Variants in GPC6 observed in about 807,000 individuals in gnomAD.
The protein encoded by GPC6 is glypican 6, also known as glypican-6.
In GPC6, 14 loss-of-function variants were observed where a neutral mutation model predicts 55.2. The observed-to-expected ratio is 0.25, with a 90% CI of 0.17 to 0.40. The LOEUF (loss-of-function observed/expected upper bound fraction) is 0.40, where lower values mean the gene tolerates loss of function less well. GPC6 is among the 10% of genes least tolerant of loss of function. GPC6 has a pLI of 1.00. For missense variants in GPC6, 641 were observed against 708.5 expected, an observed-to-expected ratio of 0.90 and a Z score of 1.08; for synonymous variants, 278 against 259.6, an observed-to-expected ratio of 1.07 and a Z score of -0.68.
chr13:93,954,798 G>A (rs1879424579), intron 3 of GPC6, among the ~76,000 whole-genome samples: 1 of 152,120 alleles, frequency 6.6e-6, no homozygotes, highest in African/African-American at 2.4e-5. Flanking sequence ...GATGTAGACT[G>A]ATATGAAGCT....
chr13:93,915,365 G>T (rs1813580432), intron 3 of GPC6, among the ~76,000 whole-genome samples: 1 of 152,170 alleles, frequency 6.6e-6, no homozygotes, highest in South Asian at 2.1e-4. Context: ...GTGGGACACT[G>T]CCTGAAGGCC....
chr13:93,679,223 A>G (rs1469530190), intron 2 of GPC6, among the ~76,000 whole-genome samples: 1 of 152,182 alleles, frequency 6.6e-6, no homozygotes, highest in Non-Finnish European at 1.5e-5. Flanking sequence ...AACACAGCCA[A>G]GAGAAAATGC....
chr13:94,041,174 G>C (rs898348525), intron 4 of GPC6, among the ~76,000 whole-genome samples: 1 of 151,780 alleles, frequency 6.6e-6, no homozygotes, highest in Non-Finnish European at 1.5e-5. Context: ...TGCAGACATT[G>C]ATAGCTTGGA....
intron 7 of GPC6, among the ~76,000 whole-genome samples, chr13:94,388,822 C>A (rs770062003): frequency 6.6e-6 from 1 of 152,052 alleles, no homozygotes; most frequent in African/African-American, 2.4e-5. Flanking sequence ...CTCATTCAAC[C>A]GTAAGAGGGT....
At chr13:93,636,171 TTTATAAG>T (rs1879686891) in intron 2 of GPC6, among the ~76,000 whole-genome samples, 1 of 152,200 alleles carries the variant, frequency 6.6e-6, no homozygotes, top group Non-Finnish European at 1.5e-5. Context: ...CTGGAGTTTG[TTTATAAG>T]TTATAACAAC....
At chr13:93,257,145 A>G (rs1876981311) in intron 1 of GPC6, among the ~76,000 whole-genome samples, 1 of 151,820 alleles carries the variant, frequency 6.6e-6, no homozygotes, top group Admixed American at 6.6e-5. Flanking sequence ...TCTCTACCAA[A>G]AAAAAAATTA....
chr13:93,525,329 C>G (rs1227491078), intron 1 of GPC6, among the ~76,000 whole-genome samples: 1 of 152,040 alleles, frequency 6.6e-6, no homozygotes, highest in African/African-American at 2.4e-5. Flanking sequence ...ACATGCCCCC[C>G]AAGAGGTAAC....
chr13:93,852,204 T>C (rs560329244), intron 3 of GPC6, among the ~76,000 whole-genome samples: 10 of 151,888 alleles, frequency 6.6e-5, no homozygotes, highest in South Asian at 2.1e-4. Flanking sequence ...CTGCTAGGCA[T>C]TGGCAAACAA....
intron 6 of GPC6, among the ~76,000 whole-genome samples, chr13:94,317,834 A>G (rs1876616479): frequency 6.6e-6 from 1 of 152,036 alleles, no homozygotes; most frequent in Admixed American, 6.6e-5. Context: ...GGAAGGGTAT[A>G]GTGTATGTGA....
At chr13:93,957,393 A>G (rs1322568000) in intron 3 of GPC6, among the ~76,000 whole-genome samples, 1 of 152,114 alleles carries the variant, frequency 6.6e-6, no homozygotes, top group African/African-American at 2.4e-5. Context: ...CCCCTCCACT[A>G]GTCGGCAGTG....
intron 4 of GPC6, among the ~76,000 whole-genome samples, chr13:94,263,933 T>C (rs1891720775): frequency 6.6e-6 from 1 of 152,192 alleles, no homozygotes; most frequent in African/African-American, 2.4e-5. Context: ...CAGAGAACTG[T>C]GTCTTGCGTG....
chr13:93,622,749 T>C (rs8000160), intron 2 of GPC6, among the ~76,000 whole-genome samples: 113,449 of 152,090 alleles, frequency 0.75, 44,969 homozygotes, highest in Non-Finnish European at 0.9. Flanking sequence ...TATCATTTAT[T>C]TGAGGTGAGA....
chr13:93,542,054 T>C (rs1304614764), intron 1 of GPC6, among the ~76,000 whole-genome samples: 1 of 152,162 alleles, frequency 6.6e-6, no homozygotes, highest in Non-Finnish European at 1.5e-5. Context: ...AATTTTGGCT[T>C]TTGTTGCCAT....
chr13:93,681,949 C>G (rs1177248763), intron 2 of GPC6, among the ~76,000 whole-genome samples: 1 of 151,980 alleles, frequency 6.6e-6, no homozygotes, highest in African/African-American at 2.4e-5. Flanking sequence ...CTTTTAGTAC[C>G]CTTTTTTTGA....
intron 2 of GPC6, among the ~76,000 whole-genome samples, chr13:93,784,599 G>A (rs190110496): frequency 3.3e-5 from 5 of 152,120 alleles, no homozygotes; most frequent in African/African-American, 1.2e-4. Context: ...GGAGTTTCCT[G>A]TTATCTATTT....
intron 1 of GPC6, among the ~76,000 whole-genome samples, chr13:93,411,870 G>A (rs1233816359): frequency 2.0e-5 from 3 of 151,788 alleles, no homozygotes; most frequent in Non-Finnish European, 2.9e-5. Flanking sequence ...TGGCTTGGTG[G>A]TGCACACCTG....
chr13:93,446,374 T>C (rs1266723215), intron 1 of GPC6, among the ~76,000 whole-genome samples: 1 of 151,874 alleles, frequency 6.6e-6, no homozygotes, highest in African/African-American at 2.4e-5. Context: ...AGATCATCTT[T>C]GTTAGGTAAT....
intron 2 of GPC6, among the ~76,000 whole-genome samples, chr13:93,572,695 T>C (rs1183702336): frequency 6.6e-6 from 1 of 152,178 alleles, no homozygotes; most frequent in African/African-American, 2.4e-5. Context: ...TTGTGAAGAT[T>C]AGTTGAATAA....
intron 2 of GPC6, among the ~76,000 whole-genome samples, chr13:93,588,897 AT>A (rs1415502349): frequency 2.6e-5 from 4 of 152,006 alleles, no homozygotes; most frequent in Non-Finnish European, 4.4e-5. Context: ...TTTCATTCTT[AT>A]TTTGCCTTGT....
Sources: allele counts gnomAD v4.1 joint callset (sites outside exome capture counted in the v4.1 genomes callset), GRCh38; gene constraint gnomAD v4.1.1; transcripts MANE v1.5; gene names NCBI Gene and HGNC (gene_info 2026-07-23, HGNC 2026-07-21).